RNF10: variants seen among roughly 807,000 people sequenced by gnomAD.
RNF10 encodes E3 ubiquitin-protein ligase RNF10.
In RNF10, 38 loss-of-function variants were observed where a neutral mutation model predicts 91.4. The ratio of observed to expected loss-of-function variants is 0.42; its 90% CI spans 0.32 to 0.54. The LOEUF (loss-of-function observed/expected upper bound fraction) is 0.54. Among genes scored for constraint, RNF10 ranks in the 20% least tolerant of loss-of-function variants. The probability of loss-of-function intolerance (pLI) is 0.16; values close to 1 mark genes in which losing one functional copy is unlikely to be tolerated. For missense variants in RNF10, 945 were observed against 1,012.0 expected (o/e 0.93, Z 0.90); for synonymous variants, 364 against 366.3 (o/e 0.99, Z 0.07).
At chr12:120,557,177 A>G in intron 4 of RNF10, 105 bp from the exon 5 acceptor site, 2 of 931,824 alleles carry the variant, frequency 2.1e-6, no homozygotes, top group Non-Finnish European at 1.7e-6. Flanking sequence ...ATGTACGGGG[A>G]TAGAGATGAG....
intron 1 of RNF10, among the ~76,000 whole-genome samples, chr12:120,536,426 A>ATT (rs1486427889): frequency 6.6e-6 from 1 of 152,106 alleles, no homozygotes; most frequent in Non-Finnish European, 1.5e-5. Context: ...CCCCATCTCT[A>ATT]AACAGTAAAA....
intron 14 of RNF10, chr12:120,574,643 TG>T (rs1181487351): frequency 9.6e-6 from 4 of 415,190 alleles, no homozygotes; most frequent in Non-Finnish European, 1.9e-5. Context: ...GGAGGGTACT[TG>T]GCTGGGCACG....
Position 120,571,192 on chromosome 12 carries a change from C to A in RNF10, c.2043C>A (p.Asp681Glu), listed in dbSNP as rs150629669. 1 of 1,612,446 alleles carries A rather than the reference C, an allele frequency of 6.2e-7. No individual in the cohort carries two copies. Among genetic ancestry groups the A allele is most frequent in the Non-Finnish European group, 8.5e-7 (1 of 1,178,732 alleles). Residue 681 changes from aspartate (D) to glutamate (E), a missense_variant and splice_region_variant, in exon 14 of 17, where the codon GAC becomes GAA. Asp to Glu is a conservative substitution (Grantham distance 45). Coordinates refer to ENST00000325954, the MANE Select transcript of RNF10 (RefSeq NM_014868.5). ...PLSRSPGSHA[D>E]FLLTPLSPTA... ...ATCAGGTCTCTGGTTCCCTTTCAGACTTTCTGCTGACCCCTCTGTCACCCA... is the reference window on the plus strand; with the variant it reads ...ATCAGGTCTCTGGTTCCCTTTCAGAATTTCTGCTGACCCCTCTGTCACCCA...
Position 120,552,626 on chromosome 12 carries a change from G to A in RNF10, c.482G>A (p.Gly161Glu), listed in dbSNP as rs1280024766. Reference sequence around the variant, plus strand: ...CAGACGGGTCACTTTGAAGGCAGTGGACATGGTAGCTGGGGAAAGAGGAAC... The same window carrying A: ...CAGACGGGTCACTTTGAAGGCAGTGAACATGGTAGCTGGGGAAAGAGGAAC... ...RGQTGHFEGSGHGSWGKRNKW... is the reference protein window; with the variant it reads ...RGQTGHFEGSEHGSWGKRNKW... The change falls in exon 3 of 17, where the codon GGA becomes GAA. Residue 161 changes from glycine to glutamate, a missense_variant. Gly to Glu is a moderately conservative substitution (Grantham distance 98, BLOSUM62 -2). Transcript: ENST00000325954. 1.2e-6 allele frequency: 2 copies of A among 1,614,046 alleles called. No individual in the cohort carries two copies. The highest frequency in any genetic ancestry group is 1.3e-5 in the African/African-American group (1 of 74,912).
At chr12:120,576,300 T>C (rs894378444) in intron 16 of RNF10, among the ~76,000 whole-genome samples, 5 of 152,210 alleles carry the variant, frequency 3.3e-5, no homozygotes, top group African/African-American at 1.2e-4. Flanking sequence ...TAGACAAGAA[T>C]CACATATGTA....
chr12:120,560,783 AC>A lies in RNF10; in HGVS notation c.1027del (p.Arg343GlyfsTer2). 6.2e-7 allele frequency: 1 copy of A among 1,614,050 alleles called. No individual in the cohort carries two copies. Among genetic ancestry groups the A allele is most frequent in the Non-Finnish European group, 8.5e-7 (1 of 1,179,966 alleles). On this transcript the variant is annotated frameshift_variant, in exon 7 of 17. Coordinates refer to ENST00000325954, the MANE Select transcript of RNF10 (RefSeq NM_014868.5). LOFTEE classifies it high-confidence loss of function. ...CTGGCCTCTAAGGAGCAGGTGCTGC[AC>A]CGGGTAGTTCTGGAGGAGAAAGTAG... ...LLLASKEQVL[H>X]RVVLEEKVAL... is the part of the protein sequence containing the mutation.
chr12:120,538,760 T>A (rs1439812151), intron 1 of RNF10, among the ~76,000 whole-genome samples: 1 of 152,104 alleles, frequency 6.6e-6, no homozygotes, highest in Non-Finnish European at 1.5e-5. Context: ...CCAGGGAGGT[T>A]AAGGGAAGGT....
chr12:120,563,996 C>A, intron 10 of RNF10, 53 bp downstream of exon 10: 1 of 1,605,000 alleles, frequency 6.2e-7, no homozygotes, highest in Non-Finnish European at 8.5e-7. Context: ...AACCTAATCT[C>A]TTTGAGGTAG....
At chr12:120,565,745 G>C (rs2137239339) in intron 12 of RNF10, among the ~76,000 whole-genome samples, 1 of 152,344 alleles carries the variant, frequency 6.6e-6, no homozygotes, top group South Asian at 2.1e-4. Context: ...AGGAAATTCA[G>C]CCTTGGTAAT....
At chr12:120,558,748 T>G (rs1246378716) in intron 6 of RNF10, among the ~76,000 whole-genome samples, 1 of 151,282 alleles carries the variant, frequency 6.6e-6, no homozygotes, top group East Asian at 1.9e-4. Context: ...TTTTTTGTAT[T>G]TTTAGTAGAG....
chr12:120,551,290 G>GTTTTT lies in RNF10; in HGVS notation c.355-1191_355-1187dup, dbSNP rs63002361. ...TGTGAGCCACTGCGCCCATCCTAGT[G>GTTTTT]TTTTTTTTTTTTTTTTTTTTTTGAA... On this transcript the variant is annotated intron_variant, in intron 2 of 16. Coordinates refer to ENST00000325954, the MANE Select transcript of RNF10 (RefSeq NM_014868.5). 1.1e-3 allele frequency among the ~76,000 whole-genome samples: 88 copies of GTTTTT among 83,188 alleles called. 4 individuals are homozygous for GTTTTT. The highest frequency in any genetic ancestry group is 1.8e-3 in the African/African-American group (38 of 21,074). The allele number at this position is 83,188 out of a possible 152,430, so 54.6% of individuals were successfully genotyped here. A position where few individuals can be genotyped will look rare whatever the true frequency, so the allele number is the denominator to read the frequency against.
At chr12:120,540,932 C>T (rs1322268357) in intron 1 of RNF10, among the ~76,000 whole-genome samples, 1 of 151,562 alleles carries the variant, frequency 6.6e-6, no homozygotes, top group Admixed American at 6.6e-5. Flanking sequence ...TCGGCCTTGC[C>T]GCAACCTCCA....
At chr12:120,554,019 C>T (rs529936139) in intron 3 of RNF10, 1 of 151,862 alleles carries the variant, frequency 6.6e-6, no homozygotes, top group South Asian at 2.1e-4. Context: ...ATTCTCCTGC[C>T]TTAGCCTCCT....
chr12:120,560,686 T>C, intron 6 of RNF10, 40 bp from the exon 7 acceptor site: 1 of 1,593,588 alleles, frequency 6.3e-7, no homozygotes, highest in African/African-American at 1.3e-5. Context: ...TCGTGAGCTT[T>C]GAATGTTGCA....
At chr12:120,575,977 G>A in intron 16 of RNF10, 27 bp downstream of exon 16, 1 of 1,612,008 alleles carries the variant, frequency 6.2e-7, no homozygotes, top group Middle Eastern at 2.1e-4. Context: ...GAGTGCCCAG[G>A]GTTGTCAAAC....
At position 120,567,112 on chromosome 12, in the gene RNF10, G is replaced by A. The variant is rs1007889534; in HGVS notation, c.2041+132G>A. ...GGCATAACCTTACTTTGGTAGTCCT[G>A]AGGTACATCAAATTCTTTTATTCAT... On this transcript the variant is annotated intron_variant, in intron 13 of 16. Coordinates refer to ENST00000325954, the MANE Select transcript of RNF10 (RefSeq NM_014868.5). 5 of 783,310 alleles carry A rather than the reference G, an allele frequency of 6.4e-6. No individual in the cohort carries two copies. In the African/African-American group the frequency reaches 9.0e-5, roughly 14 times the overall value. The allele number at this position is 783,310 out of a possible 1,614,324, so 48.5% of individuals were successfully genotyped here.
chr12:120,561,770 T>A (rs1341789605), intron 7 of RNF10, among the ~76,000 whole-genome samples: 2 of 152,188 alleles, frequency 1.3e-5, no homozygotes, highest in African/African-American at 2.4e-5. Context: ...TGTATTTAAC[T>A]TTTGCTTTCT....
chr12:120,548,335 T>C (rs1025961020), intron 2 of RNF10, among the ~76,000 whole-genome samples: 7 of 152,038 alleles, frequency 4.6e-5, no homozygotes, highest in African/African-American at 1.7e-4. Flanking sequence ...GGAGTGAGTG[T>C]TCCAAAAACG....
chr12:120,552,699 G>A lies in RNF10; in HGVS notation c.554+1G>A. ...ACAAGGAACTCTTTTTACAGGCCAAGTGAGTATTGCTACCCCTCAGAGGAA... is the reference window on the plus strand; with the variant it reads ...ACAAGGAACTCTTTTTACAGGCCAAATGAGTATTGCTACCCCTCAGAGGAA... On this transcript the variant is annotated splice_donor_variant, in intron 3 of 16. Coordinates refer to ENST00000325954, the MANE Select transcript of RNF10 (RefSeq NM_014868.5). LOFTEE classifies it high-confidence loss of function. 1 of 1,613,372 alleles carries A rather than the reference G, an allele frequency of 6.2e-7. No homozygotes were observed. The highest frequency in any genetic ancestry group is 8.5e-7 in the Non-Finnish European group (1 of 1,179,752).
Sources: gnomAD v4.1 joint callset for allele counts (sites outside exome capture counted in the v4.1 genomes callset) on GRCh38, gnomAD v4.1.1 for gene constraint, MANE v1.5 for transcripts, NCBI Gene and HGNC (gene_info 2026-07-23, HGNC 2026-07-21) for gene names.